The following NSD1 variants were observed in gnomAD, a reference collection of about 807,000 sequenced individuals.
The protein encoded by NSD1 is nuclear receptor binding SET domain protein 1.
Under a neutral mutation model 242.7 loss-of-function variants are expected in NSD1, and 26 were observed. That is an observed-to-expected ratio of 0.11 (90% confidence interval 0.08 to 0.15). The LOEUF is 0.15. NSD1 is among the 10% of genes least tolerant of loss of function. The pLI is 1.00. For synonymous variants in NSD1, 1,106 were observed against 1,178.1 expected (o/e 0.94, Z 1.25); for missense variants, 2,495 against 3,272.8 (o/e 0.76, Z 5.80).
At chr5:177,221,659 T>C (rs1000337878) in intron 5 of NSD1, among the ~76,000 whole-genome samples, 1 of 151,694 alleles carries the variant, frequency 6.6e-6, no homozygotes, top group African/African-American at 2.4e-5. Flanking sequence ...TTAGTAGAGA[T>C]GGGGTTTCAC....
intron 19 of NSD1, 138 bp from the exon 20 acceptor site, chr5:177,283,649 A>G: frequency 9.9e-7 from 1 of 1,005,434 alleles, no homozygotes; most frequent in African/African-American, 1.6e-5. Flanking sequence ...TTTGAGAACC[A>G]AAGTTCTTTG....
In NSD1 at chr5:177,221,164, T is replaced by TG. The variant is rs1297539122; in HGVS notation, c.3796+8971dup. ...CAGGGATTACAGGTGTGAGCCACTG[T>TG]GGCCTGTATTTGGCCTCATTTTTTG... On this transcript the variant is annotated intron_variant, in intron 5 of 22. Coordinates refer to ENST00000439151, the MANE Select transcript of NSD1 (RefSeq NM_022455.5). 1.4e-5 allele frequency: 4 copies of TG among 294,764 alleles called. No individual in the cohort carries two copies. In the Admixed American group the frequency reaches 1.9e-4, roughly 14 times the overall value. 18.3% of individuals were successfully genotyped at this position (294,764 alleles called of 1,614,324 possible). A position where few individuals can be genotyped will look rare whatever the true frequency, so the allele number is the denominator to read the frequency against.
At chr5:177,267,405 C>T (rs1015625781) in intron 14 of NSD1, among the ~76,000 whole-genome samples, 157 bp from the exon 15 acceptor site, 3 of 152,074 alleles carry the variant, frequency 2.0e-5, no homozygotes, top group African/African-American at 4.8e-5. Flanking sequence ...AAAGCTTATG[C>T]TGTTTATACT....
In NSD1 at chr5:177,294,658, G is replaced by T. The variant is rs754630393; in HGVS notation, c.7290G>T (p.Gln2430His). Residue 2430 changes from glutamine to histidine, a missense_variant, in exon 23 of 23, where the codon CAG becomes CAT. Coordinates refer to ENST00000439151, the MANE Select transcript of NSD1 (RefSeq NM_022455.5). The stretch of plus-strand genomic sequence containing the variant: ...AGAAAGTACTATCAGCTGTGGTCCA[G>T]ACCCTTGTAGCTAAAGAAAAAGCAC... ...PPEKVLSAVV[Q>H]TLVAKEKALR... is the part of the protein sequence containing the mutation. The T allele has an allele frequency of 2.5e-5, 40 of 1,614,100 alleles. No homozygotes were observed. In the Admixed American group the frequency reaches 3.5e-4, roughly 14 times the overall value.
chr5:177,185,665 T>A (rs1371951232), intron 2 of NSD1, among the ~76,000 whole-genome samples: 1 of 118,518 alleles, frequency 8.4e-6, no homozygotes. Context: ...AAATATATAT[T>A]ATATATATAT....
At chr5:177,224,917 G>A (rs543480982) in intron 5 of NSD1, among the ~76,000 whole-genome samples, 13 of 151,590 alleles carry the variant, frequency 8.6e-5, no homozygotes, top group South Asian at 4.2e-4. Context: ...ACAATTTTGC[G>A]TTTCCCCCTT....
chr5:177,200,620 A>G (rs1173249779), intron 3 of NSD1, among the ~76,000 whole-genome samples: 2 of 152,014 alleles, frequency 1.3e-5, no homozygotes, highest in Non-Finnish European at 2.9e-5. Flanking sequence ...TATAAATTTG[A>G]CTATTTTAGA....
intron 9 of NSD1, 128 bp from the exon 10 acceptor site, chr5:177,246,550 G>A (rs1187475965): frequency 1.2e-5 from 9 of 727,046 alleles, no homozygotes; most frequent in East Asian, 2.6e-5. Flanking sequence ...TATTTCCCCC[G>A]TTTTCCTAAT....
At chr5:177,267,953 G>GTT (rs35703730) in intron 15 of NSD1, among the ~76,000 whole-genome samples, 1 of 135,730 alleles carries the variant, frequency 7.4e-6, no homozygotes, top group East Asian at 2.1e-4. Flanking sequence ...TTTGTGAAAA[G>GTT]TTTTTTTTTT....
At chr5:177,197,047 A>T (rs1198809086) in intron 3 of NSD1, among the ~76,000 whole-genome samples, 1 of 152,166 alleles carries the variant, frequency 6.6e-6, no homozygotes, top group Non-Finnish European at 1.5e-5. Flanking sequence ...CGGGCGGATC[A>T]CTTGAGGTCA....
intron 2 of NSD1, among the ~76,000 whole-genome samples, chr5:177,148,725 C>T (rs1757458871): frequency 6.6e-6 from 1 of 152,052 alleles, no homozygotes; most frequent in Non-Finnish European, 1.5e-5. Flanking sequence ...CACGCCTGGC[C>T]CAATGTTCAG....
At chr5:177,182,967 G>C (rs1470890460) in intron 2 of NSD1, among the ~76,000 whole-genome samples, 1 of 151,988 alleles carries the variant, frequency 6.6e-6, no homozygotes, top group Non-Finnish European at 1.5e-5. Flanking sequence ...GTAAAGATGA[G>C]GTCTCACTTA....
rs114487088 is a variant in NSD1 at position 177,157,711 on chromosome 5, C to G, written c.927+21681C>G. 2.3e-3 allele frequency among the ~76,000 whole-genome samples: 347 copies of G among 152,286 alleles called. 1 individual carries two copies. Among genetic ancestry groups the G allele is most frequent in the African/African-American group, 8.0e-3 (333 of 41,564 alleles). ...GAACAACTGTTACCACTGTCTAATT[C>G]CAGAACCTTTCATCACCCCAAAAGA... On this transcript the variant is annotated intron_variant, in intron 2 of 22. Transcript: ENST00000439151.
intron 14 of NSD1, among the ~76,000 whole-genome samples, 171 bp downstream of exon 14, chr5:177,260,339 CTTTTTTTTTTT>C (rs1174250871): frequency 1.2e-5 from 1 of 85,838 alleles, no homozygotes. Context: ...CATAGCAGAA[CTTTTTTTTTTT>C]TTTTTTTTTT....
intron 2 of NSD1, among the ~76,000 whole-genome samples, chr5:177,172,478 G>A (rs1029842081): frequency 6.6e-6 from 1 of 152,128 alleles, no homozygotes; most frequent in African/African-American, 2.4e-5. Context: ...CAGCTTCTAA[G>A]TGTGACTTTG....
At chr5:177,202,041 G>A (rs990671347) in intron 3 of NSD1, among the ~76,000 whole-genome samples, 3 of 152,100 alleles carry the variant, frequency 2.0e-5, no homozygotes, top group Admixed American at 2.0e-4. Context: ...GGTGGCGCAT[G>A]CCTGTAGTTC....
intron 5 of NSD1, among the ~76,000 whole-genome samples, chr5:177,212,787 C>T (rs1186968159): frequency 6.6e-6 from 1 of 151,404 alleles, no homozygotes; most frequent in African/African-American, 2.4e-5. Flanking sequence ...TTTCTTAAGG[C>T]ACCCGCCACC....
chr5:177,281,603 G>A (rs1430590612), intron 18 of NSD1, among the ~76,000 whole-genome samples: 1 of 152,102 alleles, frequency 6.6e-6, no homozygotes, highest in Non-Finnish European at 1.5e-5. Context: ...GGGCTCTAGA[G>A]ATGTGTGACA....
At chr5:177,190,966 C>CTT (rs70991598) in intron 2 of NSD1, among the ~76,000 whole-genome samples, 25,184 of 127,014 alleles carry the variant, frequency 0.2, 3,479 homozygotes, top group East Asian at 0.48. Flanking sequence ...TGCACCCAGC[C>CTT]TTTTTTTTTT....
Sources: allele counts gnomAD v4.1 joint callset (sites outside exome capture counted in the v4.1 genomes callset), GRCh38; gene constraint gnomAD v4.1.1; transcripts MANE v1.5; gene names NCBI Gene and HGNC (gene_info 2026-07-23, HGNC 2026-07-21).